The following KIF1B variants were observed in gnomAD, a reference collection of about 807,000 sequenced individuals.
KIF1B encodes kinesin-like protein KIF1B.
KIF1B carries 76 observed loss-of-function variants against 241.9 expected under a neutral mutation model. The ratio of observed to expected loss-of-function variants is 0.31; its 90% CI spans 0.26 to 0.38. The LOEUF is 0.38. Among genes scored for constraint, KIF1B ranks in the 10% least tolerant of loss-of-function variants. KIF1B has a pLI of 1.00. For synonymous variants in KIF1B, 750 were observed against 796.7 expected (o/e 0.94, Z 0.99); for missense variants, 1,622 against 2,271.4 (o/e 0.71, Z 5.81).
intron 1 of KIF1B, among the ~76,000 whole-genome samples, chr1:10,227,440 A>G (rs1186040905): frequency 6.6e-6 from 1 of 152,212 alleles, no homozygotes; most frequent in Non-Finnish European, 1.5e-5. Context: ...TTGCCTGTTT[A>G]TATCTTTGAT....
Position 10,323,968 on chromosome 1 carries a change from C to T in KIF1B, c.2443C>T (p.His815Tyr). 1 of 1,614,114 alleles carries T rather than the reference C, an allele frequency of 6.2e-7. No homozygotes were observed. Among genetic ancestry groups the T allele is most frequent in the Non-Finnish European group, 8.5e-7 (1 of 1,179,970 alleles). Residue 815 changes from histidine to tyrosine, a missense_variant, in exon 25 of 49, where the codon CAT (histidine) becomes TAT (tyrosine). His to Tyr is a moderately conservative substitution (Grantham distance 83, BLOSUM62 2). This residue lies in a region of KIF1B where 803 missense variants were observed against 1,112.0 expected (regional missense o/e 0.72). Transcript: ENST00000676179. ...ACTTCCCACTGAGATGGAAAAAACT[C>T]ATGAGGACAGGCCTTTCCCTCGCAC... ...ELLPTEMEKT[H>Y]EDRPFPRTVV...
intron 22 of KIF1B, among the ~76,000 whole-genome samples, chr1:10,318,400 G>C (rs1336909805): frequency 1.3e-5 from 2 of 151,558 alleles, no homozygotes; most frequent in East Asian, 3.8e-4. Flanking sequence ...TCTCATGACA[G>C]CCTGTAATTG....
intron 22 of KIF1B, among the ~76,000 whole-genome samples, chr1:10,300,236 CAAATAA>C (rs919728728): frequency 1.1e-4 from 10 of 91,274 alleles, no homozygotes; most frequent in Admixed American, 1.1e-3. Context: ...GACTCAGTGT[CAAATAA>C]TAATAATAAT....
intron 11 of KIF1B, 127 bp from the exon 12 acceptor site, chr1:10,276,194 T>G: frequency 1.3e-6 from 1 of 753,550 alleles, no homozygotes; most frequent in Non-Finnish European, 2.3e-6. Flanking sequence ...AAAAAAAAAA[T>G]AAAAGAAAGA....
chr1:10,363,644 G>A (rs925457841), intron 41 of KIF1B, among the ~76,000 whole-genome samples: 16 of 152,156 alleles, frequency 1.1e-4, no homozygotes, highest in African/African-American at 3.6e-4. Context: ...AGTGAGCCGA[G>A]ATTGTGCCAC....
chr1:10,365,486 A>T lies in KIF1B; in HGVS notation c.4590A>T (p.Leu1530Phe), dbSNP rs751046833. The T allele has an allele frequency of 6.8e-6, 11 of 1,613,926 alleles. No homozygotes were observed. In the African/African-American group the frequency reaches 9.3e-5, roughly 14 times the overall value. The change falls in exon 43 of 49, where the codon TTA (leucine) becomes TTT (phenylalanine). Residue 1530 changes from leucine to phenylalanine, a missense_variant. By Grantham distance (22) the Leu-to-Phe change is conservative (BLOSUM62 0). Coordinates refer to ENST00000676179, the MANE Select transcript of KIF1B (RefSeq NM_001365951.3). This position sits in a 1 kb window ranked among gnomAD's most constrained non-coding sequence, Gnocchi z 4.0. ...TCCCCAAATCCCTGAGCGACTCGTT[A>T]TCCCCCAGCCTCAGCAGTGGGACCC... ...DSIPKSLSDS[L>F]SPSLSSGTLS...
At position 10,282,507 on chromosome 1, in the gene KIF1B, G is replaced by A. The variant is rs776992894; in HGVS notation, c.1408G>A (p.Gly470Arg). The A allele has an allele frequency of 6.2e-7, 1 of 1,614,114 alleles. No homozygotes were observed. Among genetic ancestry groups the A allele is most frequent in the Non-Finnish European group, 8.5e-7 (1 of 1,179,996 alleles). The change falls in exon 15 of 49, where the codon GGA (glycine) becomes AGA (arginine). Residue 470 changes from glycine to arginine, a missense_variant. By Grantham distance (125) the Gly-to-Arg change is moderately radical. Coordinates refer to ENST00000676179, the MANE Select transcript of KIF1B (RefSeq NM_001365951.3). ...IQERIMSTPG[G>R]EEAIERLKES... ...AGAGAGGATCATGTCTACACCTGGA[G>A]GAGAGGAAGCTATTGAACGTTTAAA...
chr1:10,374,359 T>A lies in KIF1B; in HGVS notation c.4990T>A (p.Phe1664Ile). ...NSRASSPCPE[F>I]EQFQIVPAVE... ...CCGGGCCTCTAGTCCCTGCCCAGAA[T>A]TTGAACAGTTTCAGATTGTCCCAGC... The change falls in exon 46 of 49, where the codon TTT (phenylalanine) becomes ATT (isoleucine). Residue 1664 changes from phenylalanine (F) to isoleucine (I), a missense_variant. Phe to Ile is a conservative substitution (Grantham distance 21, BLOSUM62 0). This residue lies in a region of KIF1B where 357 missense variants were observed against 409.0 expected (regional missense o/e 0.87). Transcript: ENST00000676179. This position sits in a 1 kb window ranked among gnomAD's most constrained non-coding sequence, Gnocchi z 4.3. 1 of 1,614,210 alleles carries A rather than the reference T, an allele frequency of 6.2e-7. No homozygotes were observed. The highest frequency in any genetic ancestry group is 8.5e-7 in the Non-Finnish European group (1 of 1,180,032).
chr1:10,282,220 G>A (rs1649439679), intron 14 of KIF1B, 102 bp from the exon 15 acceptor site: 1 of 926,902 alleles, frequency 1.1e-6, no homozygotes, highest in Non-Finnish European at 1.7e-6. Context: ...GCGCTTTAAT[G>A]CTGTCCTTTC....
chr1:10,276,259 C>T (rs1649101305), intron 11 of KIF1B, 62 bp from the exon 12 acceptor site: 2 of 1,027,998 alleles, frequency 1.9e-6, no homozygotes, highest in Non-Finnish European at 3.1e-6. Flanking sequence ...AGATTTGACA[C>T]ATTCCATAAA....
chr1:10,277,203 T>C (rs1490953872), intron 12 of KIF1B, among the ~76,000 whole-genome samples: 1 of 151,822 alleles, frequency 6.6e-6, no homozygotes, highest in Non-Finnish European at 1.5e-5. Context: ...CCTAGCTACT[T>C]GGAAAGCTGA....
At chr1:10,259,886 T>G (rs1433352817) in intron 4 of KIF1B, among the ~76,000 whole-genome samples, 1 of 151,734 alleles carries the variant, frequency 6.6e-6, no homozygotes, top group Non-Finnish European at 1.5e-5. Flanking sequence ...GGGCTTGGGA[T>G]GATCTGCCTG....
At chr1:10,319,173 T>G (rs558509019) in intron 22 of KIF1B, among the ~76,000 whole-genome samples, 12 of 151,516 alleles carry the variant, frequency 7.9e-5, no homozygotes, top group Non-Finnish European at 1.5e-4. Context: ...GCGATCTCTG[T>G]TCACTTCAAC....
chr1:10,233,830 C>T (rs1647013998), intron 2 of KIF1B, among the ~76,000 whole-genome samples: 1 of 151,364 alleles, frequency 6.6e-6, no homozygotes, highest in Non-Finnish European at 1.5e-5. Context: ...TTAGTAGAGA[C>T]AGGGTTTCAC....
rs1638430617 is a variant in KIF1B, at chr1:10,361,779, T to C, written c.4258T>C (p.Ser1420Pro). 1 of 1,614,152 alleles carries C rather than the reference T, an allele frequency of 6.2e-7. No homozygotes were observed. The highest frequency in any genetic ancestry group is 8.5e-7 in the Non-Finnish European group (1 of 1,180,024). ...AGATGCCAAGATCTCACCACCACGC[T>C]CTCTGCGTAGCCTCTTTGGCAGCGG... The part of the protein sequence containing the change: ...SRDAKISPPR[S>P]LRSLFGSGYS... The change falls in exon 40 of 49, where the codon TCT becomes CCT. Residue 1420 changes from serine to proline, a missense_variant. By Grantham distance (74) the Ser-to-Pro change is moderately conservative. Transcript: ENST00000676179.
chr1:10,320,577 G>T (rs181597500), intron 23 of KIF1B, among the ~76,000 whole-genome samples: 2 of 152,284 alleles, frequency 1.3e-5, no homozygotes, highest in Admixed American at 6.5e-5. Flanking sequence ...TCTTAGTTGA[G>T]TTAGGGCTTT....
intron 38 of KIF1B, among the ~76,000 whole-genome samples, chr1:10,359,180 G>A (rs1469095624): frequency 6.6e-6 from 1 of 152,208 alleles, no homozygotes; most frequent in African/African-American, 2.4e-5. Flanking sequence ...ATGGGGATGT[G>A]TTTAGAGGGA....
At chr1:10,342,461 A>T (rs1384682460) in intron 33 of KIF1B, among the ~76,000 whole-genome samples, 1 of 152,188 alleles carries the variant, frequency 6.6e-6, no homozygotes, top group Non-Finnish European at 1.5e-5. Flanking sequence ...AATTGTTAAA[A>T]ATTGTTCCTA....
intron 17 of KIF1B, 195 bp downstream of exon 17, chr1:10,292,317 C>A: frequency 1.7e-6 from 1 of 578,934 alleles, no homozygotes; most frequent in Non-Finnish European, 3.1e-6. Context: ...AAATGCCTAT[C>A]TTGTTTACTG....
Sources: gnomAD v4.1 joint callset for allele counts (sites outside exome capture counted in the v4.1 genomes callset) on GRCh38, gnomAD v4.1.1 for gene constraint, gnomAD v4.1.1 regional missense constraint, Gnocchi (gnomAD v3.1) non-coding constraint, MANE v1.5 for transcripts, NCBI Gene and HGNC (gene_info 2026-07-23, HGNC 2026-07-21) for gene names.